Variants in POLQ observed in about 807,000 individuals in gnomAD.
POLQ encodes the protein DNA polymerase theta, also known as epididymis secretory sperm binding protein.
Under a neutral mutation model 259.2 loss-of-function variants are expected in POLQ, and 233 were observed. The observed-to-expected ratio is 0.90, with a 90% CI of 0.81 to 1.00. The LOEUF (loss-of-function observed/expected upper bound fraction) is 1.00. Among genes scored for constraint, POLQ ranks in the 50% least tolerant of loss-of-function variants. The pLI is 0.00. For synonymous variants in POLQ, 1,025 were observed against 1,048.8 expected (o/e 0.98, Z 0.44); for missense variants, 2,871 against 3,051.6 (o/e 0.94, Z 1.39).
At chr3:121,540,896 A>T (rs1212413996) in intron 3 of POLQ, among the ~76,000 whole-genome samples, 27 of 146,584 alleles carry the variant, frequency 1.8e-4, no homozygotes, top group African/African-American at 6.5e-4. Context: ...AATTTTTTTA[A>T]TTTTTTTTTT....
intron 9 of POLQ, among the ~76,000 whole-genome samples, chr3:121,514,118 C>A (rs1481489486): frequency 1.4e-5 from 2 of 146,788 alleles, no homozygotes; most frequent in South Asian, 2.1e-4. Context: ...CACCTGAGGT[C>A]AGGAGTTCAA....
intron 25 of POLQ, among the ~76,000 whole-genome samples, chr3:121,450,960 C>G (rs967063807): frequency 1.3e-5 from 2 of 150,882 alleles, no homozygotes; most frequent in African/African-American, 2.4e-5. Context: ...TCACATAGTC[C>G]CCTATTTCTT....
intron 24 of POLQ, among the ~76,000 whole-genome samples, chr3:121,460,886 G>A (rs1464743277): frequency 6.6e-6 from 1 of 152,122 alleles, no homozygotes; most frequent in African/African-American, 2.4e-5. Flanking sequence ...AAAAATAAAA[G>A]CAGGGTCAAA....
intron 20 of POLQ, among the ~76,000 whole-genome samples, chr3:121,475,715 C>T (rs550174493): frequency 1.3e-5 from 2 of 152,182 alleles, no homozygotes; most frequent in East Asian, 1.9e-4. Context: ...ACATGCAGGA[C>T]GAAGAAGCCA....
intron 7 of POLQ, among the ~76,000 whole-genome samples, chr3:121,529,044 T>C (rs972278387): frequency 7.2e-5 from 11 of 152,232 alleles, no homozygotes; most frequent in African/African-American, 2.2e-4. Flanking sequence ...TTAGGCTACA[T>C]GACATACCTT....
intron 2 of POLQ, among the ~76,000 whole-genome samples, chr3:121,542,786 A>G (rs2048499629): frequency 6.6e-6 from 1 of 152,126 alleles, no homozygotes; most frequent in South Asian, 2.1e-4. Flanking sequence ...TGCCACCCCC[A>G]TCTCTACAAA....
In POLQ at chr3:121,487,508, A is replaced by G; in HGVS notation, c.5423T>C (p.Leu1808Ser). The change falls in exon 16 of 30, where the codon TTA (leucine) becomes TCA (serine). Residue 1808 changes from leucine (L) to serine (S), a missense_variant. By Grantham distance (145) the Leu-to-Ser change is moderately radical. Transcript: ENST00000264233. ...PISDTSFSLQ[L>S]SQDGLQLTPA... Reference sequence around the variant, plus strand: ...AGTTAACTGTAATCCATCCTGTGATAACTGAAGTGAAAAGCTTGTGTCACT... The same window carrying G: ...AGTTAACTGTAATCCATCCTGTGATGACTGAAGTGAAAAGCTTGTGTCACT... 1 of 1,614,128 alleles carries G rather than the reference A, an allele frequency of 6.2e-7. No individual in the cohort carries two copies. The highest frequency in any genetic ancestry group is 8.5e-7 in the Non-Finnish European group (1 of 1,179,982).
chr3:121,494,181 T>C, intron 14 of POLQ: 4 of 1,158,340 alleles, frequency 3.5e-6, no homozygotes, highest in Non-Finnish European at 5.1e-6. Flanking sequence ...AGCAGGAGGC[T>C]AAGAAAGTGG....
In POLQ at chr3:121,488,652, C is replaced by G. The variant is rs142830983; in HGVS notation, c.4279G>C (p.Gly1427Arg). 1.9e-6 allele frequency: 3 copies of G among 1,602,294 alleles called. No homozygotes were observed. The highest frequency in any genetic ancestry group is 1.4e-5 in the African/African-American group (1 of 73,996). ...FHSPILLEENGLFLKKNEVSV... is the reference protein window; with the variant it reads ...FHSPILLEENRLFLKKNEVSV... ...ACTTCATTCTTTTTTAAAAAAAGAC[C>G]ATTTTCCTCCAATAGTATTGGAGAA... Residue 1427 changes from glycine to arginine, a missense_variant, in exon 16 of 30, where the codon GGT becomes CGT. Physicochemically the swap from Gly to Arg is moderately radical, Grantham distance 125 (BLOSUM62 -2). Coordinates refer to ENST00000264233, the MANE Select transcript of POLQ (RefSeq NM_199420.4).
intron 25 of POLQ, among the ~76,000 whole-genome samples, chr3:121,452,600 A>G (rs1483291034): frequency 2.0e-5 from 3 of 151,808 alleles, no homozygotes; most frequent in African/African-American, 7.3e-5. Flanking sequence ...CTGGTATAGC[A>G]TAAACACTAT....
intron 20 of POLQ, among the ~76,000 whole-genome samples, chr3:121,475,296 A>C (rs1438694025): frequency 6.6e-6 from 1 of 152,168 alleles, no homozygotes; most frequent in African/African-American, 2.4e-5. Context: ...ATATAGTGAG[A>C]TCATCTGAAA....
rs1560108658 is a variant in POLQ at position 121,533,087 on chromosome 3, CG to C, written c.862del (p.Arg288AlafsTer9). On this transcript the variant is annotated frameshift_variant, in exon 6 of 30. Coordinates refer to ENST00000264233, the MANE Select transcript of POLQ (RefSeq NM_199420.4). LOFTEE classifies it high-confidence loss of function. ...TACTGACTCCAAAAGCGGTACAGGG[CG>C]AAAGTCGGTATGGTAGAGTTCAGCA... ...LNAELYHTDFRPVPLLESVKV... is the reference protein window; with the variant it reads ...LNAELYHTDFXPVPLLESVKV... 1 of 1,613,842 alleles carries C rather than the reference CG, an allele frequency of 6.2e-7. No individual in the cohort carries two copies. The highest frequency in any genetic ancestry group is 2.2e-5 in the East Asian group (1 of 44,878).
At chr3:121,477,027 A>C (rs2047933203) in intron 19 of POLQ, among the ~76,000 whole-genome samples, 1 of 152,088 alleles carries the variant, frequency 6.6e-6, no homozygotes, top group African/African-American at 2.4e-5. Flanking sequence ...TTCTGCTTCT[A>C]CTCTTAGCAG....
At chr3:121,473,869 G>A (rs1187827165) in intron 20 of POLQ, among the ~76,000 whole-genome samples, 4 of 151,920 alleles carry the variant, frequency 2.6e-5, no homozygotes, top group Non-Finnish European at 4.4e-5. Flanking sequence ...TAGGGCCACA[G>A]GCATGCACCA....
intron 7 of POLQ, among the ~76,000 whole-genome samples, chr3:121,526,249 A>G (rs570016725): frequency 1.3e-5 from 2 of 152,354 alleles, no homozygotes; most frequent in South Asian, 4.1e-4. Context: ...TCCTGACTTC[A>G]GAAACAAAGC....
In POLQ at chr3:121,509,682, T is replaced by C. The variant is rs1001344001; in HGVS notation, c.1838A>G (p.His613Arg). 6.2e-7 allele frequency: 1 copy of C among 1,613,722 alleles called. No individual in the cohort carries two copies. The highest frequency in any genetic ancestry group is 8.5e-7 in the Non-Finnish European group (1 of 1,179,782). The change falls in exon 12 of 30, where the codon CAT becomes CGT. Residue 613 changes from histidine (H) to arginine (R), a missense_variant. His to Arg is a conservative substitution (Grantham distance 29). This residue lies in a region of POLQ where 783 missense variants were observed against 906.2 expected (regional missense o/e 0.86). Coordinates refer to ENST00000264233, the MANE Select transcript of POLQ (RefSeq NM_199420.4). ...GTEGKVYHPTHLGSATLSSSL... is the reference protein window; with the variant it reads ...GTEGKVYHPTRLGSATLSSSL... The stretch of plus-strand genomic sequence containing the variant: ...AGAAGAAAGAGTGGCCGAACCAAGA[T>C]GTGTTGGATGATACACCTTTCCTGG...
chr3:121,483,960 A>T (rs1452337318), intron 17 of POLQ, among the ~76,000 whole-genome samples: 3 of 151,608 alleles, frequency 2.0e-5, no homozygotes, highest in African/African-American at 2.4e-5. Context: ...TATCCAAAAT[A>T]AAAAAAAAGC....
intron 15 of POLQ, among the ~76,000 whole-genome samples, chr3:121,491,849 G>T (rs775522833): frequency 1.3e-5 from 2 of 151,898 alleles, no homozygotes; most frequent in African/African-American, 2.4e-5. Flanking sequence ...GAACTGGGCC[G>T]CACAGCAGGA....
intron 26 of POLQ, 83 bp downstream of exon 26, chr3:121,449,232 A>C: frequency 1.4e-6 from 1 of 727,594 alleles, no homozygotes. Context: ...TTGATATTTC[A>C]AAAGAAAATT....
Sources: allele counts gnomAD v4.1 joint callset (sites outside exome capture counted in the v4.1 genomes callset), GRCh38; gene constraint gnomAD v4.1.1; regional missense constraint gnomAD v4.1.1; transcripts MANE v1.5; gene names NCBI Gene and HGNC (gene_info 2026-07-23, HGNC 2026-07-21).